TENM3: variants seen among roughly 807,000 people sequenced by gnomAD.
The protein encoded by TENM3 is teneurin transmembrane protein 3, also known as teneurin-3.
TENM3 carries 63 observed loss-of-function variants against 255.1 expected under a neutral mutation model. The observed-to-expected ratio is 0.25, with a 90% CI of 0.20 to 0.30. The LOEUF (loss-of-function observed/expected upper bound fraction) is 0.30, where lower values mean the gene tolerates loss of function less well. Ranked by LOEUF, TENM3 falls within the 10% of genes least tolerant of loss-of-function variation. The pLI, the probability that TENM3 is intolerant of heterozygous loss-of-function variation, is 1.00. For missense variants in TENM3, 2,929 were observed against 3,461.1 expected (o/e 0.85, Z 3.86); for synonymous variants, 1,306 against 1,322.3 (o/e 0.99, Z 0.27).
chr4:182,312,804 A>G (rs2150426811), intron 1 of TENM3, among the ~76,000 whole-genome samples: 1 of 152,316 alleles, frequency 6.6e-6, no homozygotes, highest in Admixed American at 6.5e-5. Flanking sequence ...TTTACCCTAA[A>G]GGTCTGCAAG....
rs961335046 is a variant in TENM3, at chr4:182,694,637, A to G, written c.2221+6286A>G. Among the ~76,000 whole-genome samples the G allele has an allele frequency of 2.0e-5, 3 of 152,362 alleles. No individual in the cohort carries two copies. The East Asian group carries it at 5.8e-4, about 29-fold the overall frequency. ...ATTCTAATTCTTAGTACATTAGGAA[A>G]CAAGATCATTAATGATCACAAAGAC... On this transcript the variant is annotated intron_variant, in intron 12 of 27. Coordinates refer to ENST00000511685, the MANE Select transcript of TENM3 (RefSeq NM_001080477.4).
the TENM3 span, among the ~76,000 whole-genome samples, chr4:181,496,279 G>C: frequency 7.2e-6 from 1 of 139,620 alleles, no homozygotes. Flanking sequence ...TTGACAATGT[G>C]ATATTTGAAA....
intron 3 of TENM3, among the ~76,000 whole-genome samples, chr4:182,570,039 A>G (rs1422566155): frequency 6.6e-6 from 1 of 152,214 alleles, no homozygotes; most frequent in Non-Finnish European, 1.5e-5. Context: ...AATTATGTAT[A>G]TGGCTCAAGA....
At chr4:181,891,809 G>C in the TENM3 span, among the ~76,000 whole-genome samples, 3 of 152,222 alleles carry the variant, frequency 2.0e-5, no homozygotes, top group Admixed American at 6.5e-5. Context: ...CTTTTTGTTA[G>C]GATCTGAATG....
At chr4:182,160,417 C>G (rs1272088377) in intron 1 of TENM3, among the ~76,000 whole-genome samples, 1 of 152,130 alleles carries the variant, frequency 6.6e-6, no homozygotes, top group Non-Finnish European at 1.5e-5. Flanking sequence ...AGAAAAATGT[C>G]TATGGAAATG....
At chr4:181,546,094 G>T in the TENM3 span, among the ~76,000 whole-genome samples, 2 of 152,164 alleles carry the variant, frequency 1.3e-5, no homozygotes, top group Non-Finnish European at 2.9e-5. Context: ...CACTGCAAAG[G>T]TCTTGCGTTC....
At chr4:182,366,473 T>C (rs1766438541) in intron 3 of TENM3, among the ~76,000 whole-genome samples, 1 of 152,032 alleles carries the variant, frequency 6.6e-6, no homozygotes, top group Admixed American at 6.6e-5. Context: ...AATGTAATAG[T>C]TGAAGTAGGA....
chr4:181,996,159 TAAA>T, the TENM3 span, among the ~76,000 whole-genome samples: 20 of 139,012 alleles, frequency 1.4e-4, no homozygotes, highest in Admixed American at 2.2e-4. Context: ...TCGCTACGGT[TAAA>T]AAAAAAAAAA....
At chr4:182,693,090 T>A (rs1461303528) in intron 12 of TENM3, among the ~76,000 whole-genome samples, 1 of 152,202 alleles carries the variant, frequency 6.6e-6, no homozygotes, top group Non-Finnish European at 1.5e-5. Flanking sequence ...TCTTCACTTT[T>A]TCAGATCATT....
chr4:182,360,479 C>G (rs1418956754), intron 3 of TENM3, among the ~76,000 whole-genome samples: 1 of 145,848 alleles, frequency 6.9e-6, no homozygotes, highest in Admixed American at 6.9e-5. Flanking sequence ...TATGTAATGG[C>G]CTTCTTTGTC....
Position 182,343,204 on chromosome 4 carries a change from T to A in TENM3, c.233-3447T>A, listed in dbSNP as rs143419196. 6.8e-3 allele frequency among the ~76,000 whole-genome samples: 1,029 copies of A among 152,336 alleles called. 12 individuals carry two copies. Among genetic ancestry groups the A allele is most frequent in the African/African-American group, 0.024 (985 of 41,580 alleles). On this transcript the variant is annotated intron_variant, in intron 2 of 27. Coordinates refer to ENST00000511685, the MANE Select transcript of TENM3 (RefSeq NM_001080477.4). ...TAATATAATCCGAGCTAACCTTGCCTTTTAATCACAGTGAATTCCATCCTC... is the reference window on the plus strand; with the variant it reads ...TAATATAATCCGAGCTAACCTTGCCATTTAATCACAGTGAATTCCATCCTC...
the TENM3 span, among the ~76,000 whole-genome samples, chr4:181,618,959 C>G: frequency 6.6e-6 from 1 of 152,234 alleles, no homozygotes; most frequent in East Asian, 1.9e-4. Flanking sequence ...CCACTCTCTA[C>G]TTCTGCACCC....
chr4:182,513,794 C>T (rs1737660677), intron 3 of TENM3, among the ~76,000 whole-genome samples: 1 of 152,152 alleles, frequency 6.6e-6, no homozygotes, highest in Non-Finnish European at 1.5e-5. Context: ...TTTTCCAAAA[C>T]AAATGAATCA....
chr4:181,869,742 A>C, the TENM3 span, among the ~76,000 whole-genome samples: 1 of 152,138 alleles, frequency 6.6e-6, no homozygotes, highest in Admixed American at 6.5e-5. Context: ...TCTTCAGAAA[A>C]AAGGGACAAC....
At chr4:181,578,763 G>A in the TENM3 span, among the ~76,000 whole-genome samples, 257 of 152,242 alleles carry the variant, frequency 1.7e-3, 1 homozygote, top group African/African-American at 6.0e-3. Flanking sequence ...GCCTGTGAAT[G>A]TCTGTGTCCT....
In TENM3 at chr4:182,634,121, G is replaced by A. The variant is rs114691672; in HGVS notation, c.988+5232G>A. ...TCTAGGAAATGCTGTCACGTGTCCC[G>A]TTTCATGATGGAAATGTTCTGTTTC... On this transcript the variant is annotated intron_variant, in intron 5 of 27. Transcript: ENST00000511685. Among the ~76,000 whole-genome samples the A allele has an allele frequency of 8.0e-3, 1,222 of 152,246 alleles. 16 individuals are homozygous for A. Among genetic ancestry groups the A allele is most frequent in the African/African-American group, 0.028 (1,152 of 41,542 alleles).
At chr4:181,714,810 T>C in the TENM3 span, among the ~76,000 whole-genome samples, 10 of 152,240 alleles carry the variant, frequency 6.6e-5, no homozygotes, top group East Asian at 1.9e-3. Context: ...TTGAGAACCA[T>C]CTATGCAAAA....
chr4:182,363,779 G>C (rs975094339), intron 3 of TENM3, among the ~76,000 whole-genome samples: 1 of 151,970 alleles, frequency 6.6e-6, no homozygotes, highest in African/African-American at 2.4e-5. Context: ...AGACTAAACT[G>C]GCTAATATAA....
chr4:182,682,043 G>A, intron 11 of TENM3, 29 bp downstream of exon 11: 12 of 1,581,716 alleles, frequency 7.6e-6, no homozygotes, highest in Non-Finnish European at 1.0e-5. Context: ...GTACAATCGA[G>A]TTGCTTAATA....
Sources: allele counts gnomAD v4.1 joint callset (sites outside exome capture counted in the v4.1 genomes callset), GRCh38; gene constraint gnomAD v4.1.1; transcripts MANE v1.5; gene names NCBI Gene and HGNC (gene_info 2026-07-23, HGNC 2026-07-21).